Variants in ITGA8 observed in about 807,000 individuals in gnomAD.
ITGA8 encodes the protein integrin subunit alpha 8, also known as integrin alpha-8.
Under a neutral mutation model 142.3 loss-of-function variants are expected in ITGA8, and 91 were observed. The observed-to-expected ratio is 0.64, with a 90% CI of 0.54 to 0.76. ITGA8 has a LOEUF of 0.76. Ranked by LOEUF, ITGA8 falls within the 30% of genes least tolerant of loss-of-function variation. The pLI is 0.00. For missense variants in ITGA8, 1,406 were observed against 1,327.7 expected, an observed-to-expected ratio of 1.06 and a Z score of -0.92; for synonymous variants, 505 against 485.2, an observed-to-expected ratio of 1.04 and a Z score of -0.54.
intron 28 of ITGA8, among the ~76,000 whole-genome samples, chr10:15,522,645 G>A (rs1444207006): frequency 1.3e-5 from 2 of 152,202 alleles, no homozygotes; most frequent in Non-Finnish European, 2.9e-5. Flanking sequence ...ATGTGTCAGA[G>A]CTCACCAAAA....
chr10:15,668,582 T>C (rs1834443460), intron 8 of ITGA8, among the ~76,000 whole-genome samples: 1 of 152,180 alleles, frequency 6.6e-6, no homozygotes, highest in African/African-American at 2.4e-5. Context: ...CTGGTTATTT[T>C]GCTCGTTAGT....
Position 15,606,382 on chromosome 10 carries a change from A to C in ITGA8, c.1805T>G (p.Ile602Ser), listed in dbSNP as rs779122256. 1 of 1,608,410 alleles carries C rather than the reference A, an allele frequency of 6.2e-7. No homozygotes were observed. Among genetic ancestry groups the C allele is most frequent in the South Asian group, 1.1e-5 (1 of 90,694 alleles). Residue 602 changes from isoleucine to serine, a missense_variant, in exon 18 of 30, where the codon ATT becomes AGT. By Grantham distance (142) the Ile-to-Ser change is moderately radical. Coordinates refer to ENST00000378076, the MANE Select transcript of ITGA8 (RefSeq NM_003638.3). ...TTCGTCCAAACTGTAATTCAAACTAATGTTGATTGGAGATAATTTATCTCG... is the reference window on the plus strand; with the variant it reads ...TTCGTCCAAACTGTAATTCAAACTACTGTTGATTGGAGATAATTTATCTCG... ...EFRDKLSPIN[I>S]SLNYSLDEST...
intron 27 of ITGA8, among the ~76,000 whole-genome samples, chr10:15,537,672 T>C (rs1237812142): frequency 6.6e-6 from 1 of 152,222 alleles, no homozygotes; most frequent in Non-Finnish European, 1.5e-5. Context: ...TCTAGTGTCA[T>C]AATGATAGGA....
chr10:15,696,208 C>T (rs529079012), intron 2 of ITGA8, among the ~76,000 whole-genome samples: 4 of 152,240 alleles, frequency 2.6e-5, no homozygotes, highest in Admixed American at 6.5e-5. Flanking sequence ...GGATGGAGCC[C>T]GTTAGTTACC....
intron 23 of ITGA8, among the ~76,000 whole-genome samples, chr10:15,584,166 A>C (rs1834469679): frequency 6.6e-6 from 1 of 152,070 alleles, no homozygotes; most frequent in African/African-American, 2.4e-5. Context: ...GCATGGTAGC[A>C]GGTGCCTGTA....
chr10:15,644,376 T>A (rs1447018549), intron 12 of ITGA8, among the ~76,000 whole-genome samples, 155 bp from the exon 13 acceptor site: 15 of 139,846 alleles, frequency 1.1e-4, no homozygotes, highest in Non-Finnish European at 1.8e-4. Flanking sequence ...CAAGTGATCC[T>A]CCTGCCTCAA....
chr10:15,602,494 T>G (rs1370178149), intron 20 of ITGA8, among the ~76,000 whole-genome samples: 1 of 152,036 alleles, frequency 6.6e-6, no homozygotes, highest in East Asian at 1.9e-4. Flanking sequence ...TATCAGCGCT[T>G]TGGAAGGCCA....
chr10:15,718,645 A>C (rs1439563827), intron 2 of ITGA8, 121 bp downstream of exon 2: 9 of 1,267,830 alleles, frequency 7.1e-6, no homozygotes. Context: ...CATAGCCCAC[A>C]ATACGGACAT....
chr10:15,613,589 C>T, intron 15 of ITGA8, 71 bp downstream of exon 15: 1 of 1,095,578 alleles, frequency 9.1e-7, no homozygotes, highest in Middle Eastern at 2.0e-4. Flanking sequence ...GAATCCAAAT[C>T]TGTATTTTTC....
rs890506285 is a variant in ITGA8, at chr10:15,689,978, G to C, written c.344-1940C>G. Reference sequence around the variant, plus strand: ...GAGCTCCAGCACTTAAGGGAGCTTTGGTCCCAGGGAATTGATGCTTTGGTG... The same window carrying C: ...GAGCTCCAGCACTTAAGGGAGCTTTCGTCCCAGGGAATTGATGCTTTGGTG... On this transcript the variant is annotated intron_variant, in intron 2 of 29. Coordinates refer to ENST00000378076, the MANE Select transcript of ITGA8 (RefSeq NM_003638.3). Among the ~76,000 whole-genome samples, 9 of 152,114 alleles carry C rather than the reference G, an allele frequency of 5.9e-5. 1 individual carries two copies. Among genetic ancestry groups the C allele is most frequent in the Non-Finnish European group, 1.0e-4 (7 of 68,018 alleles).
intron 28 of ITGA8, among the ~76,000 whole-genome samples, chr10:15,525,669 G>T (rs1253933554): frequency 1.2e-5 from 1 of 83,246 alleles, no homozygotes; most frequent in African/African-American, 3.5e-5. Flanking sequence ...AAAAAAAAAA[G>T]GAGTGAAAAG....
chr10:15,575,374 A>G, intron 24 of ITGA8, 115 bp downstream of exon 24: 1 of 764,576 alleles, frequency 1.3e-6, no homozygotes, highest in Non-Finnish European at 2.2e-6. Context: ...TGGGAGACAC[A>G]GCGAGATCCT....
chr10:15,544,459 G>A (rs1380924701), intron 27 of ITGA8, among the ~76,000 whole-genome samples: 2 of 152,190 alleles, frequency 1.3e-5, no homozygotes, highest in Non-Finnish European at 2.9e-5. Flanking sequence ...TGGACTTTGA[G>A]AGAATAAATT....
chr10:15,630,782 G>A (rs1311525671), intron 13 of ITGA8, among the ~76,000 whole-genome samples: 2 of 151,912 alleles, frequency 1.3e-5, no homozygotes, highest in East Asian at 3.9e-4. Context: ...AAACACAGGA[G>A]AAATTGACTC....
intron 6 of ITGA8, among the ~76,000 whole-genome samples, chr10:15,675,694 A>C (rs528399699): frequency 6.6e-6 from 1 of 152,154 alleles, no homozygotes; most frequent in Non-Finnish European, 1.5e-5. Flanking sequence ...GCTTAAACTC[A>C]CTTCATAGTT....
intron 28 of ITGA8, among the ~76,000 whole-genome samples, chr10:15,522,187 T>C (rs1391984814): frequency 6.6e-6 from 1 of 152,244 alleles, no homozygotes; most frequent in Non-Finnish European, 1.5e-5. Context: ...TGCACGTGTG[T>C]ATCAAAATAT....
chr10:15,571,617 G>A (rs1254040045), intron 25 of ITGA8, among the ~76,000 whole-genome samples: 1 of 152,236 alleles, frequency 6.6e-6, no homozygotes, highest in Non-Finnish European at 1.5e-5. Flanking sequence ...TGCTTGCAGA[G>A]AGGCAGAATC....
chr10:15,710,581 G>C (rs184765354), intron 2 of ITGA8, among the ~76,000 whole-genome samples: 1 of 152,272 alleles, frequency 6.6e-6, no homozygotes. Flanking sequence ...CATGGTGCAG[G>C]GTGTGTGGCA....
At chr10:15,661,052 C>T in intron 8 of ITGA8, 130 bp from the exon 9 acceptor site, 1 of 791,646 alleles carries the variant, frequency 1.3e-6, no homozygotes, top group Non-Finnish European at 2.1e-6. Flanking sequence ...GCAGGGGTCC[C>T]CAAGCCCCAG....
Sources: gnomAD v4.1 joint callset for allele counts (sites outside exome capture counted in the v4.1 genomes callset) on GRCh38, gnomAD v4.1.1 for gene constraint, MANE v1.5 for transcripts, NCBI Gene and HGNC (gene_info 2026-07-23, HGNC 2026-07-21) for gene names.